The following EDARADD variants were observed in gnomAD, a reference collection of about 807,000 sequenced individuals.
EDARADD encodes the protein EDAR associated via death domain, also known as ectodysplasin-A receptor-associated adapter protein.
In EDARADD, 20 loss-of-function variants were observed where a neutral mutation model predicts 25.6. The observed-to-expected ratio is 0.78, with a 90% CI of 0.55 to 1.14. The LOEUF (loss-of-function observed/expected upper bound fraction) is 1.14, where lower values mean the gene tolerates loss of function less well. Ranked by LOEUF, EDARADD falls within the 50% of genes most tolerant of loss-of-function variation. The pLI is 0.00. For missense variants in EDARADD, 225 were observed against 270.1 expected, an observed-to-expected ratio of 0.83 and a Z score of 1.17; for synonymous variants, 86 against 94.4, an observed-to-expected ratio of 0.91 and a Z score of 0.52.
chr1:236,429,277 G>C (rs1649187772), intron 4 of EDARADD, among the ~76,000 whole-genome samples: 1 of 150,168 alleles, frequency 6.7e-6, no homozygotes, highest in South Asian at 2.1e-4. Context: ...TGCGATCTCG[G>C]CTCACTGTAA....
intron 4 of EDARADD, among the ~76,000 whole-genome samples, chr1:236,461,001 T>C (rs569633159): frequency 6.6e-6 from 1 of 152,212 alleles, no homozygotes; most frequent in Non-Finnish European, 1.5e-5. Flanking sequence ...TTTGTATTTT[T>C]AGTAAAGACG....
intron 3 of EDARADD, among the ~76,000 whole-genome samples, chr1:236,421,462 G>A (rs1373467719): frequency 7.2e-6 from 1 of 138,374 alleles, no homozygotes; most frequent in African/African-American, 2.6e-5. Context: ...GAGACTTGTG[G>A]TTAGGCCATT....
intron 4 of EDARADD, among the ~76,000 whole-genome samples, chr1:236,467,074 C>CA (rs201271024): frequency 0.011 from 1,499 of 134,424 alleles, 37 homozygotes; most frequent in African/African-American, 0.046. Context: ...TCAAAAAAAA[C>CA]AAAAAAACAA....
chr1:236,467,894 G>T (rs906733936), intron 4 of EDARADD, among the ~76,000 whole-genome samples: 1 of 152,102 alleles, frequency 6.6e-6, no homozygotes, highest in African/African-American at 2.4e-5. Context: ...AGTAGCTGGG[G>T]CTGCAGGCAC....
Position 236,361,635 on chromosome 1 carries a change from T to TTATATATATATGTATATATA in EDARADD, c.-6+10807_-6+10808insGTATATATATATATATATAT, listed in dbSNP as rs1553262110. On this transcript the variant is annotated intron_variant, in intron 3 of 7. Transcript: ENST00000439430. ...GTGAGCCACCACGCACAGCCAAATT[T>TTATATATATATGTATATATA]TATATATATATATATTCCTTCATAC... 2.2e-5 allele frequency among the ~76,000 whole-genome samples: 3 copies of TTATATATATATGTATATATA among 134,208 alleles called. No individual in the cohort carries two copies. In the East Asian group the frequency reaches 6.5e-4, roughly 29 times the overall value. 88.0% of individuals were successfully genotyped at this position (134,208 alleles called of 152,430 possible). A position where few individuals can be genotyped will look rare whatever the true frequency, so the allele number is the denominator to read the frequency against.
chr1:236,382,753 C>T (rs1484200441), intron 3 of EDARADD, among the ~76,000 whole-genome samples: 2 of 152,156 alleles, frequency 1.3e-5, no homozygotes, highest in Admixed American at 6.6e-5. Context: ...CTACCAAATG[C>T]TCATGAATTA....
intron 4 of EDARADD, among the ~76,000 whole-genome samples, chr1:236,458,308 T>G (rs1658931294): frequency 6.6e-6 from 1 of 152,164 alleles, no homozygotes; most frequent in African/African-American, 2.4e-5. Context: ...GCATCAGTGC[T>G]GTGGGGTATC....
chr1:236,483,761 A>G lies in EDARADD; in HGVS notation c.*1112A>G, dbSNP rs1571964887. ...GCCTGAAGAATGTCATCAAGGAGAA[A>G]TATGGGAAAGATGCCACCGGTGTGG... On this transcript the variant is annotated 3_prime_UTR_variant, in exon 6 of 6. Coordinates refer to ENST00000334232, the MANE Select transcript of EDARADD (RefSeq NM_145861.4). The G allele has an allele frequency of 2.0e-6, 3 of 1,492,830 alleles. No homozygotes were observed. In the East Asian group the frequency reaches 6.8e-5, roughly 34 times the overall value. 92.5% of individuals were successfully genotyped at this position (1,492,830 alleles called of 1,614,324 possible).
rs1571963292 is a variant in EDARADD, at chr1:236,482,361, C to T, written c.360C>T (p.Asp120=). Residue 120 remains aspartate, a synonymous_variant, in exon 6 of 6, where the codon GAC becomes GAT. Transcript: ENST00000334232. ...PTISDLLNDQ[D]LLDVIRIKLD... is the part of the protein sequence containing the mutation. ...TAAGTGACTTGCTCAATGATCAGGA[C>T]TTACTAGACGTGATCAGGATAAAGC... 3 of 1,614,174 alleles carry T rather than the reference C, an allele frequency of 1.9e-6. No homozygotes were observed. Among genetic ancestry groups the T allele is most frequent in the Non-Finnish European group, 2.5e-6 (3 of 1,180,040 alleles).
At chr1:236,459,839 C>T (rs929723064) in intron 4 of EDARADD, among the ~76,000 whole-genome samples, 4 of 152,030 alleles carry the variant, frequency 2.6e-5, no homozygotes, top group African/African-American at 4.8e-5. Flanking sequence ...GTCTCAAACT[C>T]CTGGCCTTAG....
intron 4 of EDARADD, among the ~76,000 whole-genome samples, chr1:236,448,397 T>A (rs1224923771): frequency 6.6e-6 from 1 of 152,156 alleles, no homozygotes; most frequent in East Asian, 1.9e-4. Context: ...GGGCTGAAGT[T>A]GAATTGGGCA....
intron 4 of EDARADD, among the ~76,000 whole-genome samples, chr1:236,429,893 A>T (rs946900053): frequency 6.6e-6 from 1 of 152,194 alleles, no homozygotes; most frequent in South Asian, 2.1e-4. Flanking sequence ...AGCATTCAGT[A>T]TCTCAAAGGC....
At chr1:236,366,739 C>CTT (rs1667115077) in intron 3 of EDARADD, among the ~76,000 whole-genome samples, 2 of 106,956 alleles carry the variant, frequency 1.9e-5, no homozygotes, top group African/African-American at 3.4e-5. Flanking sequence ...GCTCATCTCT[C>CTT]TCTTTTTTTT....
At position 236,395,378 on chromosome 1, in the gene EDARADD, G is replaced by A. The variant is rs1667495780; in HGVS notation, c.61+873G>A. Reference sequence around the variant, plus strand: ...CCGGCTCCCGCCCCGCGCCTCTGGAGGGAGGTACCGAGGGACGCGCAGCGA... The same window carrying A: ...CCGGCTCCCGCCCCGCGCCTCTGGAAGGAGGTACCGAGGGACGCGCAGCGA... On this transcript the variant is annotated intron_variant, in intron 1 of 5. Coordinates refer to ENST00000334232, the MANE Select transcript of EDARADD (RefSeq NM_145861.4). This position sits in a 1 kb window ranked among gnomAD's most constrained non-coding sequence, Gnocchi z 6.9. 1 of 1,380,822 alleles carries A rather than the reference G, an allele frequency of 7.2e-7. No individual in the cohort carries two copies. The highest frequency in any genetic ancestry group is 9.4e-7 in the Non-Finnish European group (1 of 1,065,410). 85.5% of individuals were successfully genotyped at this position (1,380,822 alleles called of 1,614,324 possible).
At chr1:236,401,127 A>G (rs1051626107) in intron 1 of EDARADD, among the ~76,000 whole-genome samples, 6 of 152,162 alleles carry the variant, frequency 3.9e-5, no homozygotes, top group Admixed American at 2.0e-4. Flanking sequence ...CAGAGGTTGC[A>G]GTGAGCTGAG....
At chr1:236,371,818 C>T (rs775279866) in intron 3 of EDARADD, among the ~76,000 whole-genome samples, 6 of 150,886 alleles carry the variant, frequency 4.0e-5, no homozygotes, top group Admixed American at 6.6e-5. Flanking sequence ...GTGATCTGCC[C>T]GCCTTGGCCT....
In EDARADD at chr1:236,484,416, G is replaced by A. The variant is rs1182816966; in HGVS notation, c.*1767G>A. Reference sequence around the variant, plus strand: ...GCTCCTCAGAATTGAAGAGGAGCTGGGCAGCAAGGCTAAGTTTGCCGGCAG... The same window carrying A: ...GCTCCTCAGAATTGAAGAGGAGCTGAGCAGCAAGGCTAAGTTTGCCGGCAG... On this transcript the variant is annotated 3_prime_UTR_variant, in exon 6 of 6. Transcript: ENST00000334232. The surrounding 1 kb of genome is among the most constrained non-coding windows in gnomAD (Gnocchi z 4.1). The A allele has an allele frequency of 1.5e-5, 24 of 1,610,132 alleles. No individual in the cohort carries two copies. Among genetic ancestry groups the A allele is most frequent in the Non-Finnish European group, 2.0e-5 (23 of 1,177,826 alleles).
chr1:236,430,077 T>C (rs1332526277), intron 4 of EDARADD, among the ~76,000 whole-genome samples: 1 of 152,220 alleles, frequency 6.6e-6, no homozygotes, highest in Non-Finnish European at 1.5e-5. Flanking sequence ...AGTTACACAA[T>C]AGTTGATAAA....
At chr1:236,405,822 T>TTCCCTTCCC (rs1667711688) in intron 1 of EDARADD, among the ~76,000 whole-genome samples, 2 of 55,392 alleles carry the variant, frequency 3.6e-5, no homozygotes, top group African/African-American at 1.6e-4. Flanking sequence ...CCTTCCTTCC[T>TTCCCTTCCC]TTCCTTCCTT....
Sources: gnomAD v4.1 joint callset for allele counts (sites outside exome capture counted in the v4.1 genomes callset) on GRCh38, gnomAD v4.1.1 for gene constraint, Gnocchi (gnomAD v3.1) non-coding constraint, MANE v1.5 for transcripts, NCBI Gene and HGNC (gene_info 2026-07-23, HGNC 2026-07-21) for gene names.